HLF: variants seen among roughly 807,000 people sequenced by gnomAD.
The protein encoded by HLF is HLF transcription factor, PAR bZIP family member.
In HLF, 3 loss-of-function variants were observed where a neutral mutation model predicts 22.6. The observed-to-expected ratio is 0.13, with a 90% CI of 0.06 to 0.34. The LOEUF (loss-of-function observed/expected upper bound fraction) is 0.34. HLF is among the 10% of genes least tolerant of loss of function. The probability of loss-of-function intolerance (pLI) is 1.00; values close to 1 mark genes in which losing one functional copy is unlikely to be tolerated. For synonymous variants in HLF, 151 were observed against 151.8 expected, an observed-to-expected ratio of 0.99 and a Z score of 0.04; for missense variants, 299 against 389.2, an observed-to-expected ratio of 0.77 and a Z score of 1.95.
At chr17:55,277,275 G>GTGCA (rs1567813142) in intron 2 of HLF, among the ~76,000 whole-genome samples, 27 of 105,982 alleles carry the variant, frequency 2.5e-4, no homozygotes, top group East Asian at 1.8e-3. Flanking sequence ...GTGTGTGTGT[G>GTGCA]CGCGCGCATG....
intron 2 of HLF, among the ~76,000 whole-genome samples, chr17:55,295,154 G>A (rs2081100898): frequency 1.3e-5 from 2 of 152,198 alleles, no homozygotes; most frequent in Non-Finnish European, 2.9e-5. Flanking sequence ...ATATGAGGTA[G>A]AATCAGGAAA....
intron 2 of HLF, among the ~76,000 whole-genome samples, chr17:55,275,767 G>T (rs1421726209): frequency 2.6e-5 from 4 of 152,192 alleles, no homozygotes; most frequent in Non-Finnish European, 4.4e-5. Flanking sequence ...CCAGCTTGGT[G>T]CCCTGTACAT....
intron 1 of HLF, 22 bp from the exon 2 acceptor site, chr17:55,267,729 C>T (rs1438116779): frequency 1.4e-6 from 2 of 1,476,112 alleles, no homozygotes; most frequent in Non-Finnish European, 1.8e-6. Flanking sequence ...TTTTTTAAGT[C>T]CAGCTTTCCC....
chr17:55,278,519 G>C (rs1458468992), intron 2 of HLF, among the ~76,000 whole-genome samples: 1 of 127,512 alleles, frequency 7.8e-6, no homozygotes, highest in African/African-American at 3.0e-5. Context: ...CCCAATAAAT[G>C]CCTCTTGAAT....
At position 55,288,443 on chromosome 17, in the gene HLF, C is replaced by T. The variant is rs117620062; in HGVS notation, c.451+20357C>T. Among the ~76,000 whole-genome samples the T allele has an allele frequency of 4.7e-3, 721 of 152,218 alleles. 2 individuals are homozygous for T. The highest frequency in any genetic ancestry group is 7.7e-3 in the Non-Finnish European group (524 of 68,022). On this transcript the variant is annotated intron_variant, in intron 2 of 3. Transcript: ENST00000226067. ...GATTGCAGGTGTGAGCCACCACGCCCGGCCAGTTTCACTGTTTTCTGATTG... is the reference window on the plus strand; with the variant it reads ...GATTGCAGGTGTGAGCCACCACGCCTGGCCAGTTTCACTGTTTTCTGATTG...
chr17:55,274,260 C>G (rs906006457), intron 2 of HLF, among the ~76,000 whole-genome samples: 5 of 151,886 alleles, frequency 3.3e-5, no homozygotes, highest in African/African-American at 1.2e-4. Context: ...TTTTTTATGT[C>G]TCAGCAATGA....
At chr17:55,309,178 C>T (rs7209246) in intron 2 of HLF, among the ~76,000 whole-genome samples, 2,527 of 152,200 alleles carry the variant, frequency 0.017, 71 homozygotes, top group African/African-American at 0.058. Context: ...GCCATCAGGA[C>T]GTTAGTGTTA....
At chr17:55,273,062 A>G (rs1277104499) in intron 2 of HLF, 1 of 152,282 alleles carries the variant, frequency 6.6e-6, no homozygotes, top group Non-Finnish European at 1.5e-5. Flanking sequence ...ACAGGATAGT[A>G]GTCCCAAGCC....
chr17:55,324,808 T>TGCGC lies in HLF; in HGVS notation c.*3932_*3933insCGCG. On this transcript the variant is annotated 3_prime_UTR_variant, in exon 4 of 4. Coordinates refer to ENST00000226067, the MANE Select transcript of HLF (RefSeq NM_002126.5). The stretch of plus-strand genomic sequence containing the variant: ...GTGTAAGAGTGTGTGTGTGTGTGTG[T>TGCGC]GCGTGCATGTGTGTGTGTGTGTATG... 1 of 231,108 alleles carries TGCGC rather than the reference T, an allele frequency of 4.3e-6. No individual in the cohort carries two copies. Among genetic ancestry groups the TGCGC allele is most frequent in the Non-Finnish European group, 8.6e-6 (1 of 116,454 alleles). The allele number at this position is 231,108 out of a possible 1,614,324, so 14.3% of individuals were successfully genotyped here. A position where few individuals can be genotyped will look rare whatever the true frequency, so the allele number is the denominator to read the frequency against.
intron 2 of HLF, chr17:55,272,956 G>T (rs1340471396): frequency 6.6e-6 from 1 of 152,344 alleles, no homozygotes; most frequent in Non-Finnish European, 1.5e-5. Flanking sequence ...AGGGGAGGGA[G>T]TCTGCATGGT....
chr17:55,315,183 T>C (rs2287222), intron 2 of HLF, 44 bp from the exon 3 acceptor site: 110,840 of 1,472,742 alleles, frequency 0.075, 9,834 homozygotes, highest in East Asian at 0.46. Flanking sequence ...GCCTACTGGG[T>C]CTCTCTAGGG....
intron 2 of HLF, among the ~76,000 whole-genome samples, chr17:55,302,943 A>G (rs1394598168): frequency 6.6e-6 from 1 of 152,208 alleles, no homozygotes; most frequent in Non-Finnish European, 1.5e-5. Context: ...CATAGTTAAA[A>G]TGGGCCCATT....
At chr17:55,308,602 C>T (rs1236384827) in intron 2 of HLF, among the ~76,000 whole-genome samples, 2 of 152,174 alleles carry the variant, frequency 1.3e-5, no homozygotes, top group Non-Finnish European at 2.9e-5. Flanking sequence ...TTATAACATA[C>T]AGGTGACAGA....
intron 2 of HLF, among the ~76,000 whole-genome samples, chr17:55,307,747 G>C (rs1904647470): frequency 6.6e-6 from 1 of 151,328 alleles, no homozygotes; most frequent in Non-Finnish European, 1.5e-5. Context: ...TCACTGTTCT[G>C]TGGGGCTTAC....
At chr17:55,266,561 G>C in intron 1 of HLF, among the ~76,000 whole-genome samples, 1 of 152,222 alleles carries the variant, frequency 6.6e-6, no homozygotes, top group East Asian at 1.9e-4. Context: ...CTGTTGCATT[G>C]CAAGAGTTTG....
Position 55,322,194 on chromosome 17 carries a change from G to T in HLF, c.*1315G>T. ...CTGAAAAATGAATGTAAAAGACACT[G>T]GTGTATCTCAGAAGGGGATGGTGTT... is the stretch of plus-strand genomic sequence containing the variant. On this transcript the variant is annotated 3_prime_UTR_variant, in exon 4 of 4. Transcript: ENST00000226067. The T allele has an allele frequency of 5.0e-6, 1 of 201,258 alleles. No homozygotes were observed. The highest frequency in any genetic ancestry group is 1.0e-5 in the Non-Finnish European group (1 of 97,466). 12.5% of individuals were successfully genotyped at this position (201,258 alleles called of 1,614,324 possible).
intron 2 of HLF, among the ~76,000 whole-genome samples, chr17:55,281,822 T>C (rs1449107160): frequency 6.6e-6 from 1 of 152,178 alleles, no homozygotes; most frequent in Non-Finnish European, 1.5e-5. Flanking sequence ...ACAGGCAGCT[T>C]AAAAATAAAT....
chr17:55,308,201 G>A (rs1279785538), intron 2 of HLF, among the ~76,000 whole-genome samples: 2 of 152,216 alleles, frequency 1.3e-5, no homozygotes, highest in African/African-American at 2.4e-5. Context: ...GGAGACGTGG[G>A]AGATAGAAAA....
intron 2 of HLF, among the ~76,000 whole-genome samples, chr17:55,291,943 G>A (rs965376050): frequency 6.6e-5 from 10 of 152,266 alleles, no homozygotes; most frequent in Admixed American, 5.2e-4. Flanking sequence ...TAGATGTGGC[G>A]GAAATAGCAA....
Sources: gnomAD v4.1 joint callset for allele counts (sites outside exome capture counted in the v4.1 genomes callset) on GRCh38, gnomAD v4.1.1 for gene constraint, MANE v1.5 for transcripts, NCBI Gene and HGNC (gene_info 2026-07-23, HGNC 2026-07-21) for gene names.